The following AP3M2 variants were observed in gnomAD, a reference collection of about 807,000 sequenced individuals.
AP3M2 encodes the protein adaptor related protein complex 3 subunit mu 2.
A neutral mutation model predicts 41.6 loss-of-function variants in AP3M2; 28 were observed. The observed-to-expected ratio is 0.67, with a 90% CI of 0.50 to 0.92. The LOEUF (loss-of-function observed/expected upper bound fraction) is 0.92. Among genes scored for constraint, AP3M2 ranks in the 40% least tolerant of loss-of-function variants. The probability of loss-of-function intolerance (pLI) is 0.00; values close to 1 mark genes in which losing one functional copy is unlikely to be tolerated. For synonymous variants in AP3M2, 193 were observed against 186.4 expected (o/e 1.04, Z -0.29); for missense variants, 427 against 521.4 (o/e 0.82, Z 1.76).
At chr8:42,161,770 T>C (rs1283246806) in intron 3 of AP3M2, among the ~76,000 whole-genome samples, 28 of 152,318 alleles carry the variant, frequency 1.8e-4, no homozygotes, top group Admixed American at 1.6e-3. Flanking sequence ...TGATCTACAA[T>C]TCTTAAAGAC....
intron 3 of AP3M2, among the ~76,000 whole-genome samples, chr8:42,159,362 A>T (rs1804444806): frequency 6.6e-6 from 1 of 152,232 alleles, no homozygotes; most frequent in Non-Finnish European, 1.5e-5. Flanking sequence ...AACAATTTCA[A>T]AGCACTGTAG....
Position 42,165,561 on chromosome 8 carries a change from G to T in AP3M2, c.803+1G>T. On this transcript the variant is annotated splice_donor_variant, in intron 6 of 8. Coordinates refer to ENST00000396926, the MANE Select transcript of AP3M2 (RefSeq NM_006803.4). LOFTEE classifies it high-confidence loss of function. ...TGTCTTACCATGTCAGTGCACAGAA[G>T]TAAGCAGCTCTTATAATTAAGAATG... The T allele has an allele frequency of 6.2e-7, 1 of 1,614,046 alleles. No individual in the cohort carries two copies. Among genetic ancestry groups the T allele is most frequent in the Non-Finnish European group, 8.5e-7 (1 of 1,179,964 alleles).
rs1313453040 is a variant in AP3M2, at chr8:42,170,953, T to TA, written c.*1893dup. ...GTTTCAAGGGAAGTACCTAAGAAGATATAGAGTGTTTCTAGGGTAAGGGAC... is the reference window on the plus strand; with the variant it reads ...GTTTCAAGGGAAGTACCTAAGAAGATAATAGAGTGTTTCTAGGGTAAGGGAC... On this transcript the variant is annotated 3_prime_UTR_variant, in exon 9 of 9. Transcript: ENST00000396926. 6.6e-6 allele frequency: 1 copy of TA among 152,230 alleles called. No individual in the cohort carries two copies. Among genetic ancestry groups the TA allele is most frequent in the Non-Finnish European group, 1.5e-5 (1 of 68,050 alleles). The allele number at this position is 152,230 out of a possible 1,614,324, so 9.4% of individuals were successfully genotyped here. A position where few individuals can be genotyped will look rare whatever the true frequency, so the allele number is the denominator to read the frequency against.
chr8:42,166,726 C>T (rs1354999019), intron 6 of AP3M2, among the ~76,000 whole-genome samples: 2 of 151,540 alleles, frequency 1.3e-5, no homozygotes, highest in African/African-American at 2.4e-5. Context: ...ATGATCGTGC[C>T]ACTGCACTCC....
At chr8:42,167,922 A>G in intron 8 of AP3M2, 112 bp downstream of exon 8, 2 of 1,289,048 alleles carry the variant, frequency 1.6e-6, no homozygotes, top group East Asian at 2.3e-5. Context: ...GTTTAGTTTC[A>G]TTACCTGATA....
At chr8:42,165,397 T>A (rs769874257) in intron 5 of AP3M2, 30 bp from the exon 6 acceptor site, 1 of 1,610,240 alleles carries the variant, frequency 6.2e-7, no homozygotes, top group East Asian at 2.2e-5. Flanking sequence ...TAATGCCCAC[T>A]TCTTGCTTCT....
At chr8:42,168,845 C>A in intron 8 of AP3M2, 116 bp from the exon 9 acceptor site, 2 of 708,352 alleles carry the variant, frequency 2.8e-6, no homozygotes, top group Non-Finnish European at 4.7e-6. Flanking sequence ...ATAAGTGGTT[C>A]CCTGTCACAG....
At chr8:42,165,604 T>C (rs756352930) in intron 6 of AP3M2, 44 bp downstream of exon 6, 1 of 1,605,248 alleles carries the variant, frequency 6.2e-7, no homozygotes, top group Non-Finnish European at 8.5e-7. Context: ...TGTATGTACA[T>C]GTATGTGGAA....
chr8:42,161,331 G>T (rs530594200), intron 3 of AP3M2, among the ~76,000 whole-genome samples: 1 of 151,870 alleles, frequency 6.6e-6, no homozygotes, highest in African/African-American at 2.4e-5. Flanking sequence ...AATTTTTTAG[G>T]TGGGCATGGT....
chr8:42,166,061 GC>G (rs1804630136), intron 6 of AP3M2, among the ~76,000 whole-genome samples: 3 of 152,170 alleles, frequency 2.0e-5, no homozygotes. Context: ...GAGTCAGGAG[GC>G]CTCAGAGCCA....
chr8:42,156,145 CTCAT>C (rs1804349032), intron 2 of AP3M2: 2 of 400,188 alleles, frequency 5.0e-6, no homozygotes. Flanking sequence ...TGATACTTTA[CTCAT>C]TCTGAGATTA....
intron 4 of AP3M2, among the ~76,000 whole-genome samples, chr8:42,163,009 C>G (rs62507969): frequency 6.8e-6 from 1 of 147,966 alleles, no homozygotes; most frequent in African/African-American, 2.5e-5. Context: ...ATTACCTTCT[C>G]GAAAGTATTT....
At chr8:42,154,502 A>G (rs1413951209) in intron 1 of AP3M2, 114 bp from the exon 2 acceptor site, 1 of 738,490 alleles carries the variant, frequency 1.4e-6, no homozygotes, top group Admixed American at 3.0e-5. Context: ...AGGCTCATGC[A>G]GGAGGGGAAG....
chr8:42,162,378 T>G lies in AP3M2; in HGVS notation c.543T>G (p.Phe181Leu). 3 of 1,612,950 alleles carry G rather than the reference T, an allele frequency of 1.9e-6. No individual in the cohort carries two copies. The highest frequency in any genetic ancestry group is 2.5e-6 in the Non-Finnish European group (3 of 1,179,388). Residue 181 changes from phenylalanine to leucine, a missense_variant, in exon 4 of 9, where the codon TTT becomes TTG. Phe to Leu is a conservative substitution (Grantham distance 22). This residue lies in a region of AP3M2 where 86 missense variants were observed against 142.6 expected (regional missense o/e 0.60). Coordinates refer to ENST00000396926, the MANE Select transcript of AP3M2 (RefSeq NM_006803.4). ...AATATACCAACAATGAGGCCTATTT[T>G]GATGTGATTGAAGAGATTGATGCAA... ...GVKYTNNEAY[F>L]DVIEEIDAII...
intron 3 of AP3M2, among the ~76,000 whole-genome samples, chr8:42,158,942 C>T (rs917485086): frequency 1.8e-4 from 28 of 152,106 alleles, no homozygotes; most frequent in Middle Eastern, 3.4e-3. Context: ...TACAGGCACA[C>T]GCCACCATGC....
chr8:42,164,587 G>C (rs1428154035), intron 4 of AP3M2, among the ~76,000 whole-genome samples: 2 of 152,030 alleles, frequency 1.3e-5, no homozygotes, highest in African/African-American at 4.8e-5. Flanking sequence ...TAGGAGGGAG[G>C]GATGTTTGAG....
At chr8:42,162,253 T>C in intron 3 of AP3M2, 28 bp from the exon 4 acceptor site, 1 of 1,593,834 alleles carries the variant, frequency 6.3e-7, no homozygotes, top group Non-Finnish European at 8.5e-7. Flanking sequence ...AAAATGGTGT[T>C]AAAATACAGT....
At position 42,167,307 on chromosome 8, in the gene AP3M2, A is replaced by G. The variant is rs1253449089; in HGVS notation, c.947A>G (p.Lys316Arg). The change falls in exon 7 of 9, where the codon AAG (lysine) becomes AGG (arginine). Residue 316 changes from lysine to arginine, a missense_variant. Physicochemically the swap from Lys to Arg is conservative, Grantham distance 26. Coordinates refer to ENST00000396926, the MANE Select transcript of AP3M2 (RefSeq NM_006803.4). Reference sequence around the variant, plus strand: ...GTGACTGTCACCAGCCAGATGCCCAAGGGGGTCCTGAACATGAGCCTTACT... The same window carrying G: ...GTGACTGTCACCAGCCAGATGCCCAGGGGGGTCCTGAACATGAGCCTTACT... ...EGVTVTSQMP[K>R]GVLNMSLTPS... 4 of 1,614,164 alleles carry G rather than the reference A, an allele frequency of 2.5e-6. No individual in the cohort carries two copies. Among genetic ancestry groups the G allele is most frequent in the African/African-American group, 2.7e-5 (2 of 75,034 alleles).
intron 2 of AP3M2, among the ~76,000 whole-genome samples, chr8:42,156,704 G>T (rs1421360512): frequency 1.3e-5 from 2 of 152,118 alleles, no homozygotes; most frequent in African/African-American, 4.8e-5. Flanking sequence ...CCGGGTATTG[G>T]AATCTTGTGG....
Sources: allele counts gnomAD v4.1 joint callset (sites outside exome capture counted in the v4.1 genomes callset), GRCh38; gene constraint gnomAD v4.1.1; regional missense constraint gnomAD v4.1.1; transcripts MANE v1.5; gene names NCBI Gene and HGNC (gene_info 2026-07-23, HGNC 2026-07-21).